The following RNASEH2B variants were observed in gnomAD, a reference collection of about 807,000 sequenced individuals.
RNASEH2B encodes the protein ribonuclease H2 subunit B, also known as Aicardi-Goutieres syndrome 2 protein.
A neutral mutation model predicts 45.0 loss-of-function variants in RNASEH2B; 36 were observed. The ratio of observed to expected loss-of-function variants is 0.80; its 90% CI spans 0.61 to 1.06. The LOEUF is 1.06. Among genes scored for constraint, RNASEH2B ranks in the 50% least tolerant of loss-of-function variants. RNASEH2B has a pLI of 0.00. For missense variants in RNASEH2B, 361 were observed against 360.3 expected (o/e 1.00, Z -0.02); for synonymous variants, 119 against 125.7 (o/e 0.95, Z 0.35).
rs201525817 is a variant in RNASEH2B, at chr13:50,945,407, C to T, written c.511-20C>T. 6.5e-7 allele frequency: 1 copy of T among 1,539,904 alleles called. No homozygotes were observed. Among genetic ancestry groups the T allele is most frequent in the Non-Finnish European group, 9.0e-7 (1 of 1,112,508 alleles). On this transcript the variant is annotated intron_variant, in intron 6 of 10. Coordinates refer to ENST00000336617, the MANE Select transcript of RNASEH2B (RefSeq NM_024570.4). ...TTAAGTTGAAAATACCCTGCCTTTC[C>T]CCTCTTGGTTGCTTCATAGGTTAAT... is the stretch of plus-strand genomic sequence containing the variant.
At chr13:50,946,159 G>T (rs929618042) in intron 7 of RNASEH2B, among the ~76,000 whole-genome samples, 4 of 152,054 alleles carry the variant, frequency 2.6e-5, no homozygotes, top group Non-Finnish European at 5.9e-5. Flanking sequence ...TCTAAAAAAG[G>T]TATATTATTT....
At position 50,943,395 on chromosome 13, in the gene RNASEH2B, G is replaced by A. The variant is rs77301371; in HGVS notation, c.510+1G>A. On this transcript the variant is annotated splice_donor_variant, in intron 6 of 10. Transcript: ENST00000336617. LOFTEE classifies it high-confidence loss of function. ...GACATTAAAGTGGCTGGAAAAAAAGGTATAGTTCCTCTCTAGTGCCTTGTG... is the reference window on the plus strand; with the variant it reads ...GACATTAAAGTGGCTGGAAAAAAAGATATAGTTCCTCTCTAGTGCCTTGTG... The A allele has an allele frequency of 4.5e-5, 71 of 1,592,302 alleles. No homozygotes were observed. The highest frequency in any genetic ancestry group is 5.9e-5 in the Non-Finnish European group (68 of 1,160,410).
Position 50,956,567 on chromosome 13 carries a change from A to C in RNASEH2B, c.*93A>C. 1 of 1,530,210 alleles carries C rather than the reference A, an allele frequency of 6.5e-7. No individual in the cohort carries two copies. Among genetic ancestry groups the C allele is most frequent in the Non-Finnish European group, 8.8e-7 (1 of 1,136,162 alleles). The allele number at this position is 1,530,210 out of a possible 1,614,324, so 94.8% of individuals were successfully genotyped here. A position where few individuals can be genotyped will look rare whatever the true frequency, so the allele number is the denominator to read the frequency against. ...TTAATGACTACCTTTGGTTGGGGGAAGGAAGAGGCCAATTTCATGTTCTCT... is the reference window on the plus strand; with the variant it reads ...TTAATGACTACCTTTGGTTGGGGGACGGAAGAGGCCAATTTCATGTTCTCT... On this transcript the variant is annotated 3_prime_UTR_variant, in exon 11 of 11. Coordinates refer to ENST00000336617, the MANE Select transcript of RNASEH2B (RefSeq NM_024570.4).
downstream of RNASEH2B, among the ~76,000 whole-genome samples, chr13:50,957,131 T>A (rs560027776): frequency 6.6e-6 from 1 of 151,798 alleles, no homozygotes; most frequent in East Asian, 1.9e-4. Context: ...AGGGGGTACA[T>A]ATGCAGGTTT....
chr13:50,922,452 A>G (rs73186368), intron 1 of RNASEH2B, among the ~76,000 whole-genome samples: 11,282 of 152,192 alleles, frequency 0.074, 421 homozygotes, highest in Middle Eastern at 0.2. Context: ...AAAGTGCCCA[A>G]CTGTTGAAGG....
At chr13:50,964,307 T>C (rs1952143348) in intron 9 of RNASEH2B, among the ~76,000 whole-genome samples, 1 of 152,228 alleles carries the variant, frequency 6.6e-6, no homozygotes, top group African/African-American at 2.4e-5. Context: ...TTGAGATACT[T>C]TGAAACTATG....
chr13:50,929,016 A>G (rs2137930742), intron 2 of RNASEH2B, among the ~76,000 whole-genome samples: 1 of 134,850 alleles, frequency 7.4e-6, no homozygotes, highest in South Asian at 2.3e-4. Context: ...CTCACTCCCT[A>G]TGGCTTCAAG....
chr13:50,912,632 T>G (rs1879489406), intron 1 of RNASEH2B: 1 of 152,254 alleles, frequency 6.6e-6, no homozygotes, highest in Non-Finnish European at 1.5e-5. Context: ...ATTCGGGAGT[T>G]GGAAACGATA....
intron 3 of RNASEH2B, chr13:50,929,972 G>T: frequency 3.6e-6 from 1 of 279,156 alleles, no homozygotes; most frequent in East Asian, 9.0e-5. Flanking sequence ...ATAGGCTAGA[G>T]CATAACAAAG....
At chr13:50,969,890 C>T in intron 9 of RNASEH2B, 2 of 1,541,732 alleles carry the variant, frequency 1.3e-6, no homozygotes, top group Non-Finnish European at 1.8e-6. Flanking sequence ...GTGACTGTTT[C>T]TCCTCACCAG....
At chr13:50,924,582 A>G (rs1240404867) in intron 1 of RNASEH2B, among the ~76,000 whole-genome samples, 1 of 152,208 alleles carries the variant, frequency 6.6e-6, no homozygotes, top group East Asian at 1.9e-4. Context: ...TTTTAGAGAA[A>G]GAGTCTCAGT....
intron 6 of RNASEH2B, among the ~76,000 whole-genome samples, chr13:50,944,841 G>A (rs1232500544): frequency 3.3e-5 from 5 of 152,058 alleles, no homozygotes; most frequent in Non-Finnish European, 5.9e-5. Context: ...GAATAAATGC[G>A]GAGCAGAATC....
intron 9 of RNASEH2B, chr13:50,949,936 A>G (rs1250695694): frequency 6.4e-6 from 1 of 155,634 alleles, no homozygotes; most frequent in African/African-American, 2.4e-5. Flanking sequence ...CTTTGAGCAA[A>G]GATGATCACT....
chr13:50,966,109 G>A (rs1305727344), intron 9 of RNASEH2B, among the ~76,000 whole-genome samples: 1 of 152,146 alleles, frequency 6.6e-6, no homozygotes, highest in East Asian at 1.9e-4. Context: ...ACACATACCA[G>A]GTGCCATTTT....
At chr13:50,969,549 T>G (rs916149170) in intron 9 of RNASEH2B, among the ~76,000 whole-genome samples, 19 of 151,300 alleles carry the variant, frequency 1.3e-4, no homozygotes, top group Admixed American at 1.2e-3. Flanking sequence ...GAAAAATGGT[T>G]TAAGAATTAC....
intron 1 of RNASEH2B, among the ~76,000 whole-genome samples, chr13:50,919,383 T>G (rs1438478482): frequency 1.3e-5 from 2 of 152,236 alleles, no homozygotes; most frequent in African/African-American, 2.4e-5. Flanking sequence ...CTCAGCATTA[T>G]AATGTCACAG....
At chr13:50,949,910 C>T (rs1441196470) in intron 9 of RNASEH2B, 1 of 160,234 alleles carries the variant, frequency 6.2e-6, no homozygotes, top group Non-Finnish European at 1.4e-5. Flanking sequence ...AAACAATTTC[C>T]ATAATACAAA....
Position 50,910,060 on chromosome 13 carries a change from C to T in RNASEH2B, c.-17C>T. The T allele has an allele frequency of 1.4e-6, 2 of 1,463,718 alleles. No homozygotes were observed. Among genetic ancestry groups the T allele is most frequent in the South Asian group, 1.3e-5 (1 of 74,656 alleles). The allele number at this position is 1,463,718 out of a possible 1,614,324, so 90.7% of individuals were successfully genotyped here. On this transcript the variant is annotated 5_prime_UTR_variant, in exon 1 of 11. Transcript: ENST00000336617. ...CCGCGGCGCTGAGCCTGCGGCGCCC[C>T]GGAAGAGGCGGGCGGCATGGCCGCT... is the stretch of plus-strand genomic sequence containing the variant.
chr13:50,939,893 T>TA (rs1234659491), intron 5 of RNASEH2B, among the ~76,000 whole-genome samples: 1 of 152,170 alleles, frequency 6.6e-6, no homozygotes, highest in Non-Finnish European at 1.5e-5. Context: ...CCACTAACTG[T>TA]AAAAAAATTA....
Sources: allele counts gnomAD v4.1 joint callset (sites outside exome capture counted in the v4.1 genomes callset), GRCh38; gene constraint gnomAD v4.1.1; transcripts MANE v1.5; gene names NCBI Gene and HGNC (gene_info 2026-07-23, HGNC 2026-07-21).